The following NOS1AP variants were observed in gnomAD, a reference collection of about 807,000 sequenced individuals.
NOS1AP encodes the protein carboxyl-terminal PDZ ligand of neuronal nitric oxide synthase protein.
NOS1AP carries 21 observed loss-of-function variants against 56.2 expected under a neutral mutation model. The observed-to-expected ratio is 0.37, with a 90% confidence interval of 0.26 to 0.54. The LOEUF is 0.54. NOS1AP is among the 20% of genes least tolerant of loss of function. The probability of loss-of-function intolerance (pLI) is 0.84; values close to 1 mark genes in which losing one functional copy is unlikely to be tolerated. For missense variants in NOS1AP, 522 were observed against 657.8 expected (o/e 0.79, Z 2.26); for synonymous variants, 270 against 274.6 (o/e 0.98, Z 0.17).
At chr1:162,348,960 C>T (rs1333063959) in intron 6 of NOS1AP, among the ~76,000 whole-genome samples, 2 of 152,100 alleles carry the variant, frequency 1.3e-5, no homozygotes, top group East Asian at 1.9e-4. Context: ...CCAAGGCGGG[C>T]AGATCACCTG....
intron 2 of NOS1AP, among the ~76,000 whole-genome samples, chr1:162,161,715 A>G (rs1650230049): frequency 6.6e-6 from 1 of 152,030 alleles, no homozygotes; most frequent in African/African-American, 2.4e-5. Context: ...AGTAGCTGGG[A>G]CTACAGGCAT....
At chr1:162,192,383 G>A (rs576876679) in intron 2 of NOS1AP, among the ~76,000 whole-genome samples, 1 of 152,320 alleles carries the variant, frequency 6.6e-6, no homozygotes, top group Non-Finnish European at 1.5e-5. Flanking sequence ...GATGATGTAT[G>A]GGTTTTTGTG....
At chr1:162,176,635 A>C (rs1236013898) in intron 2 of NOS1AP, among the ~76,000 whole-genome samples, 1 of 150,472 alleles carries the variant, frequency 6.6e-6, no homozygotes, top group East Asian at 2.0e-4. Context: ...CAGCCTCCCA[A>C]GTAGCTGGGA....
chr1:162,272,635 T>C lies in NOS1AP; in HGVS notation c.178-14709T>C, dbSNP rs368643228. ...CTTTTCTCTACTGGCTGCTCAGGCATGTGCTCGTTATTTATCTTGTCCTTT... is the reference window on the plus strand; with the variant it reads ...CTTTTCTCTACTGGCTGCTCAGGCACGTGCTCGTTATTTATCTTGTCCTTT... On this transcript the variant is annotated intron_variant, in intron 2 of 9. Transcript: ENST00000361897. 4.7e-4 allele frequency among the ~76,000 whole-genome samples: 72 copies of C among 152,300 alleles called. No homozygotes were observed. In the South Asian group the frequency reaches 1.0e-2, roughly 21 times the overall value.
intron 1 of NOS1AP, among the ~76,000 whole-genome samples, chr1:162,132,821 C>T (rs1648810697): frequency 6.6e-6 from 1 of 152,200 alleles, no homozygotes; most frequent in African/African-American, 2.4e-5. Flanking sequence ...CCCCAGTTAC[C>T]AGTGTTCTGG....
At chr1:162,181,621 G>A (rs1481583857) in intron 2 of NOS1AP, among the ~76,000 whole-genome samples, 1 of 152,196 alleles carries the variant, frequency 6.6e-6, no homozygotes, top group Non-Finnish European at 1.5e-5. Flanking sequence ...CTGGATAACA[G>A]TTATCAAGGG....
intron 8 of NOS1AP, 82 bp downstream of exon 8, chr1:162,357,218 G>C: frequency 6.5e-7 from 1 of 1,550,094 alleles, no homozygotes. Flanking sequence ...GCTCAGGGCA[G>C]GTTTAAAATC....
intron 2 of NOS1AP, among the ~76,000 whole-genome samples, chr1:162,186,895 A>G (rs1538019): frequency 0.47 from 71,000 of 152,164 alleles, 18,208 homozygotes; most frequent in East Asian, 0.75. Context: ...CAAAAATGGA[A>G]TGCTTTTAAC....
intron 1 of NOS1AP, among the ~76,000 whole-genome samples, chr1:162,088,077 G>A (rs1048071212): frequency 7.2e-5 from 11 of 152,020 alleles, no homozygotes; most frequent in African/African-American, 1.4e-4. Flanking sequence ...CAAATTCTGC[G>A]GAAAGGCAAA....
chr1:162,213,025 G>A (rs1259754487), intron 2 of NOS1AP, among the ~76,000 whole-genome samples: 1 of 152,140 alleles, frequency 6.6e-6, no homozygotes, highest in Non-Finnish European at 1.5e-5. Flanking sequence ...AATAATATGG[G>A]GTGGATCTGG....
chr1:162,108,405 G>GA lies in NOS1AP; in HGVS notation c.105+38132dup, dbSNP rs924579631. Among the ~76,000 whole-genome samples, 33 of 151,082 alleles carry GA rather than the reference G, an allele frequency of 2.2e-4. 1 individual carries two copies. Among genetic ancestry groups the GA allele is most frequent in the South Asian group, 1.5e-3 (7 of 4,784 alleles). On this transcript the variant is annotated intron_variant, in intron 1 of 9. Coordinates refer to ENST00000361897, the MANE Select transcript of NOS1AP (RefSeq NM_014697.3). ...TACATGAGTTTGTAGTGATACTCAAGAAAAAAAAATCAGTCACTTTTGCAG... is the reference window on the plus strand; with the variant it reads ...TACATGAGTTTGTAGTGATACTCAAGAAAAAAAAAATCAGTCACTTTTGCAG...
chr1:162,336,736 C>T (rs943486573), intron 5 of NOS1AP, among the ~76,000 whole-genome samples: 11 of 152,180 alleles, frequency 7.2e-5, no homozygotes, highest in African/African-American at 7.2e-5. Flanking sequence ...AAGAAAGATA[C>T]GTGAGCCTTT....
In NOS1AP at chr1:162,183,736, C is replaced by G. The variant is rs529475961; in HGVS notation, c.177+29260C>G. Among the ~76,000 whole-genome samples, 4 of 152,230 alleles carry G rather than the reference C, an allele frequency of 2.6e-5. No individual in the cohort carries two copies. The East Asian group carries it at 5.8e-4, about 22-fold the overall frequency. On this transcript the variant is annotated intron_variant, in intron 2 of 9. Transcript: ENST00000361897. ...AACTTTTCTTCTGCAGCTTCGTTCC[C>G]TCTCTCAGCCTTTATAGAATTGAAG...
chr1:162,232,509 G>A (rs904372017), intron 2 of NOS1AP, among the ~76,000 whole-genome samples: 15 of 151,818 alleles, frequency 9.9e-5, no homozygotes, highest in Admixed American at 1.3e-4. Flanking sequence ...GCTGAAGAGT[G>A]TTGTGATCTT....
At chr1:162,180,171 C>T (rs2102144285) in intron 2 of NOS1AP, among the ~76,000 whole-genome samples, 1 of 152,288 alleles carries the variant, frequency 6.6e-6, no homozygotes, top group African/African-American at 2.4e-5. Flanking sequence ...GGCAAATGCA[C>T]CCGGTGACCT....
intron 2 of NOS1AP, among the ~76,000 whole-genome samples, chr1:162,282,793 A>T (rs1654971363): frequency 6.6e-6 from 1 of 152,242 alleles, no homozygotes; most frequent in Non-Finnish European, 1.5e-5. Context: ...TAGTGAACAC[A>T]GTCAAGGACT....
At chr1:162,356,784 A>T (rs536470559) in intron 7 of NOS1AP, among the ~76,000 whole-genome samples, 176 bp from the exon 8 acceptor site, 21 of 152,232 alleles carry the variant, frequency 1.4e-4, no homozygotes, top group African/African-American at 4.8e-4. Flanking sequence ...CAGCCCAGGC[A>T]GCTACACCAT....
intron 1 of NOS1AP, among the ~76,000 whole-genome samples, chr1:162,087,824 C>T (rs1692037861): frequency 6.6e-6 from 1 of 152,142 alleles, no homozygotes; most frequent in African/African-American, 2.4e-5. Context: ...TGTAAAGTGC[C>T]CTCTCTCTTT....
intron 5 of NOS1AP, among the ~76,000 whole-genome samples, chr1:162,336,590 T>C (rs2101799293): frequency 6.6e-6 from 1 of 152,302 alleles, no homozygotes; most frequent in East Asian, 1.9e-4. Context: ...AATTTTGTAG[T>C]TGAAGAAGAA....
Sources: gnomAD v4.1 joint callset for allele counts (sites outside exome capture counted in the v4.1 genomes callset) on GRCh38, gnomAD v4.1.1 for gene constraint, MANE v1.5 for transcripts, NCBI Gene and HGNC (gene_info 2026-07-23, HGNC 2026-07-21) for gene names.